The following ADCY2 variants were observed in gnomAD, a reference collection of about 807,000 sequenced individuals.
The protein encoded by ADCY2 is adenylate cyclase 2.
Under a neutral mutation model 125.2 loss-of-function variants are expected in ADCY2, and 31 were observed. That is an observed-to-expected ratio of 0.25 (90% confidence interval 0.19 to 0.33). The LOEUF is 0.33. Among genes scored for constraint, ADCY2 ranks in the 10% least tolerant of loss-of-function variants. The pLI is 1.00. For missense variants in ADCY2, 904 were observed against 1,418.2 expected (o/e 0.64, Z 5.82); for synonymous variants, 512 against 548.4 (o/e 0.93, Z 0.93).
intron 3 of ADCY2, among the ~76,000 whole-genome samples, chr5:7,563,349 C>T (rs1263953032): frequency 6.6e-6 from 1 of 152,168 alleles, no homozygotes; most frequent in Non-Finnish European, 1.5e-5. Context: ...GATGAGCATA[C>T]CCTGCAAAAG....
chr5:7,681,836 C>T (rs1740350504), intron 4 of ADCY2, among the ~76,000 whole-genome samples: 1 of 152,190 alleles, frequency 6.6e-6, no homozygotes, highest in Non-Finnish European at 1.5e-5. Flanking sequence ...ATCAGTCATG[C>T]CCTAAGACAC....
intron 15 of ADCY2, among the ~76,000 whole-genome samples, chr5:7,747,023 G>A (rs573339712): frequency 2.2e-4 from 33 of 152,082 alleles, no homozygotes; most frequent in Non-Finnish European, 3.7e-4. Context: ...TAGAAAAATC[G>A]TACAGGTATT....
intron 2 of ADCY2, among the ~76,000 whole-genome samples, chr5:7,438,976 T>C (rs971303700): frequency 6.6e-6 from 1 of 152,160 alleles, no homozygotes; most frequent in Non-Finnish European, 1.5e-5. Context: ...ACAAGGGTCA[T>C]GTCCTCATTT....
chr5:7,485,834 G>A (rs1181566816), intron 2 of ADCY2, among the ~76,000 whole-genome samples: 2 of 152,004 alleles, frequency 1.3e-5, no homozygotes, highest in Non-Finnish European at 2.9e-5. Flanking sequence ...TCTTGTTTTT[G>A]TTCTTTATAT....
chr5:7,682,706 G>T (rs1740380467), intron 4 of ADCY2, among the ~76,000 whole-genome samples: 1 of 152,174 alleles, frequency 6.6e-6, no homozygotes. Context: ...ATGCTTTTCA[G>T]AGGAGCCTCA....
chr5:7,678,770 G>T (rs889388136), intron 4 of ADCY2, among the ~76,000 whole-genome samples: 2 of 152,166 alleles, frequency 1.3e-5, no homozygotes, highest in African/African-American at 4.8e-5. Flanking sequence ...CAGGCGAAAG[G>T]TCAAGAGGTT....
At chr5:7,538,121 G>A (rs531863187) in intron 3 of ADCY2, among the ~76,000 whole-genome samples, 16 of 152,144 alleles carry the variant, frequency 1.1e-4, no homozygotes, top group African/African-American at 2.9e-4. Flanking sequence ...CTTTGATCTC[G>A]GGTACATAGC....
intron 3 of ADCY2, among the ~76,000 whole-genome samples, chr5:7,598,276 G>T (rs1397293124): frequency 6.6e-6 from 1 of 152,182 alleles, no homozygotes; most frequent in African/African-American, 2.4e-5. Flanking sequence ...GGCCAGACTC[G>T]TGGGTAACCT....
rs769249938 is a variant in ADCY2, at chr5:7,677,508, A to G, written c.721-13183A>G. Among the ~76,000 whole-genome samples, 162 of 152,132 alleles carry G rather than the reference A, an allele frequency of 1.1e-3. 2 individuals carry two copies. Among genetic ancestry groups the G allele is most frequent in the Non-Finnish European group, 3.7e-4 (25 of 68,036 alleles). On this transcript the variant is annotated intron_variant, in intron 4 of 24. Coordinates refer to ENST00000338316, the MANE Select transcript of ADCY2 (RefSeq NM_020546.3). ...GGAGTCCTGGCCTTATAAGTTCTTG[A>G]AGATCCTCTCTCATTTCCTGGGACT...
intron 7 of ADCY2, among the ~76,000 whole-genome samples, chr5:7,702,294 A>G (rs1741107567): frequency 6.8e-6 from 1 of 146,084 alleles, no homozygotes. Context: ...TTTGTTATAT[A>G]TGTATACATG....
At chr5:7,745,169 A>G (rs768511445) in intron 15 of ADCY2, among the ~76,000 whole-genome samples, 37 of 152,278 alleles carry the variant, frequency 2.4e-4, no homozygotes, top group Non-Finnish European at 4.7e-4. Flanking sequence ...CCTCCCTTCA[A>G]AAGCTCTGAA....
chr5:7,678,261 A>T (rs1474806296), intron 4 of ADCY2, among the ~76,000 whole-genome samples: 4 of 152,076 alleles, frequency 2.6e-5, no homozygotes, highest in African/African-American at 4.8e-5. Flanking sequence ...TCTGGGCCAC[A>T]TGTCTTCTGT....
chr5:7,461,132 C>T (rs1741902679), intron 2 of ADCY2, among the ~76,000 whole-genome samples: 1 of 152,204 alleles, frequency 6.6e-6, no homozygotes, highest in Admixed American at 6.5e-5. Flanking sequence ...GGCATGATGC[C>T]TGGGATGAGG....
intron 2 of ADCY2, among the ~76,000 whole-genome samples, chr5:7,436,198 G>A (rs370945117): frequency 1.2e-4 from 18 of 152,180 alleles, no homozygotes; most frequent in African/African-American, 4.1e-4. Flanking sequence ...ATTGTGACCA[G>A]GGGTGCATAG....
intron 2 of ADCY2, among the ~76,000 whole-genome samples, chr5:7,512,444 C>T (rs1744104554): frequency 6.6e-6 from 1 of 151,808 alleles, no homozygotes; most frequent in South Asian, 2.1e-4. Context: ...AGTACATGGG[C>T]TCTGGATGTT....
Position 7,773,337 on chromosome 5 carries a change from G to T in ADCY2, c.2384+236G>T, listed in dbSNP as rs771461848. 2.0e-4 allele frequency among the ~76,000 whole-genome samples: 30 copies of T among 152,192 alleles called. 1 individual carries two copies. The highest frequency in any genetic ancestry group is 6.5e-4 in the Admixed American group (10 of 15,282). On this transcript the variant is annotated intron_variant, in intron 18 of 24. Transcript: ENST00000338316. ...GTGAAGTGGTTTGGAGAGAAGAACT[G>T]TGTTATAACTGTACTATGTTGACAA... is the stretch of plus-strand genomic sequence containing the variant.
At chr5:7,711,048 A>G (rs1362436339) in intron 10 of ADCY2, among the ~76,000 whole-genome samples, 2 of 152,160 alleles carry the variant, frequency 1.3e-5, no homozygotes, top group Admixed American at 1.3e-4. Flanking sequence ...TTTCTGCTGG[A>G]CCGCTTCTAA....
In ADCY2 at chr5:7,707,764, G is replaced by A. The variant is rs1741307721; in HGVS notation, c.1327G>A (p.Glu443Lys). 6.2e-7 allele frequency: 1 copy of A among 1,614,130 alleles called. No homozygotes were observed. The highest frequency in any genetic ancestry group is 8.5e-7 in the Non-Finnish European group (1 of 1,180,014). Residue 443 changes from glutamate to lysine, a missense_variant, in exon 9 of 25, where the codon GAG becomes AAG. By Grantham distance (56) the Glu-to-Lys change is moderately conservative. This residue lies in a region of ADCY2 where 144 missense variants were observed against 227.7 expected (regional missense o/e 0.63). Transcript: ENST00000338316. ...CTTGAATGGCGCTTATAAAGTGGAG[G>A]AGGGAGATGGTGACATTAGGGACCC... ...EHLNGAYKVE[E>K]GDGDIRDPYL...
intron 2 of ADCY2, among the ~76,000 whole-genome samples, chr5:7,492,702 G>A (rs1221580227): frequency 6.6e-6 from 1 of 151,436 alleles, no homozygotes; most frequent in Non-Finnish European, 1.5e-5. Context: ...GAGGAGGGAG[G>A]TTAATGGAGT....
Sources: gnomAD v4.1 joint callset for allele counts (sites outside exome capture counted in the v4.1 genomes callset) on GRCh38, gnomAD v4.1.1 for gene constraint, gnomAD v4.1.1 regional missense constraint, MANE v1.5 for transcripts, NCBI Gene and HGNC (gene_info 2026-07-23, HGNC 2026-07-21) for gene names.